Variants in ADAM23 observed in about 807,000 individuals in gnomAD.
The protein encoded by ADAM23 is ADAM metallopeptidase domain 23.
Under a neutral mutation model 120.1 loss-of-function variants are expected in ADAM23, and 33 were observed. The observed-to-expected ratio is 0.27, with a 90% CI of 0.21 to 0.37. The LOEUF is 0.37. Ranked by LOEUF, ADAM23 falls within the 10% of genes least tolerant of loss-of-function variation. ADAM23 has a pLI of 1.00. For missense variants in ADAM23, 862 were observed against 1,058.2 expected (o/e 0.81, Z 2.57); for synonymous variants, 367 against 375.2 (o/e 0.98, Z 0.25).
chr2:206,552,178 G>A (rs2105815172), intron 9 of ADAM23, among the ~76,000 whole-genome samples: 1 of 152,192 alleles, frequency 6.6e-6, no homozygotes. Flanking sequence ...TTTTAGAGTA[G>A]TAGAAATAAT....
At chr2:206,583,033 G>A (rs769332789) in intron 18 of ADAM23, among the ~76,000 whole-genome samples, 7 of 152,232 alleles carry the variant, frequency 4.6e-5, no homozygotes, top group Middle Eastern at 3.4e-3. Flanking sequence ...ATGTGCCTAG[G>A]TGATCTTTTT....
At chr2:206,496,759 A>C (rs1371932477) in intron 3 of ADAM23, among the ~76,000 whole-genome samples, 1 of 152,228 alleles carries the variant, frequency 6.6e-6, no homozygotes, top group Non-Finnish European at 1.5e-5. Flanking sequence ...TGCTAGCAAG[A>C]CTAATAAAGA....
At chr2:206,613,969 A>T (rs920261020) in intron 25 of ADAM23, among the ~76,000 whole-genome samples, 1 of 152,144 alleles carries the variant, frequency 6.6e-6, no homozygotes, top group Admixed American at 6.5e-5. Flanking sequence ...GTTTGTTGAA[A>T]ATTGAAATCA....
At chr2:206,458,277 G>A (rs994812837) in intron 2 of ADAM23, among the ~76,000 whole-genome samples, 12 of 78,170 alleles carry the variant, frequency 1.5e-4, no homozygotes, top group Non-Finnish European at 2.6e-4. Context: ...ACCAATTAAT[G>A]ACTGACCAGA....
intron 2 of ADAM23, among the ~76,000 whole-genome samples, chr2:206,472,328 G>A (rs1024846692): frequency 6.6e-6 from 1 of 152,038 alleles, no homozygotes; most frequent in Non-Finnish European, 1.5e-5. Context: ...AGAGTACTTC[G>A]GCTGGGCGAA....
At chr2:206,468,076 C>T (rs1299349439) in intron 2 of ADAM23, among the ~76,000 whole-genome samples, 2 of 152,178 alleles carry the variant, frequency 1.3e-5, no homozygotes, top group African/African-American at 4.8e-5. Flanking sequence ...CAATTCTTCC[C>T]TCCTAGGCCT....
rs1356500018 is a variant in ADAM23 at position 206,444,027 on chromosome 2, C to T, written c.161C>T (p.Pro54Leu). ...CTGCTTCTCGTCCTTCTCCTGCTGC[C>T]TCCGCTCGCCGCCTCGTCCCGGCCC... Reference protein sequence around the residue: ...CRLLLVLLLLPPLAASSRPRA... With the variant: ...CRLLLVLLLLLPLAASSRPRA... The change falls in exon 1 of 26, where the codon CCT becomes CTT. Residue 54 changes from proline to leucine, a missense_variant. By Grantham distance (98) the Pro-to-Leu change is moderately conservative. Coordinates refer to ENST00000264377, the MANE Select transcript of ADAM23 (RefSeq NM_003812.4). 3 of 1,411,790 alleles carry T rather than the reference C, an allele frequency of 2.1e-6. No individual in the cohort carries two copies. Among genetic ancestry groups the T allele is most frequent in the Admixed American group, 4.9e-5 (2 of 40,518 alleles). The allele number at this position is 1,411,790 out of a possible 1,614,324, so 87.5% of individuals were successfully genotyped here.
intron 2 of ADAM23, among the ~76,000 whole-genome samples, chr2:206,466,323 C>A (rs1695541549): frequency 6.6e-6 from 1 of 152,172 alleles, no homozygotes; most frequent in Admixed American, 6.5e-5. Context: ...AAGTGATGCT[C>A]TTGGACTTGA....
intron 23 of ADAM23, among the ~76,000 whole-genome samples, chr2:206,595,441 G>T (rs1698505227): frequency 6.6e-6 from 1 of 151,720 alleles, no homozygotes; most frequent in South Asian, 2.1e-4. Flanking sequence ...CCTCAGCTTG[G>T]CTGACTGAGA....
intron 3 of ADAM23, among the ~76,000 whole-genome samples, chr2:206,494,623 T>C (rs547582283): frequency 6.6e-6 from 1 of 152,332 alleles, no homozygotes; most frequent in African/African-American, 2.4e-5. Flanking sequence ...TCCATTTATT[T>C]TAGCTGGCCA....
At chr2:206,526,679 C>T (rs1201837186) in intron 3 of ADAM23, among the ~76,000 whole-genome samples, 1 of 152,174 alleles carries the variant, frequency 6.6e-6, no homozygotes, top group Admixed American at 6.5e-5. Context: ...CTAACTGCAG[C>T]AGAACCTGCA....
intron 18 of ADAM23, among the ~76,000 whole-genome samples, chr2:206,573,461 C>A (rs1012366076): frequency 3.3e-5 from 5 of 152,136 alleles, no homozygotes; most frequent in African/African-American, 9.6e-5. Context: ...AGTTTCTGTA[C>A]ATTGAACCAT....
chr2:206,532,340 T>A (rs1475354076), intron 4 of ADAM23, among the ~76,000 whole-genome samples: 2 of 151,546 alleles, frequency 1.3e-5, no homozygotes, highest in Non-Finnish European at 2.9e-5. Flanking sequence ...TTTTTTTTTT[T>A]AAAGAAACAG....
At chr2:206,499,394 C>CA (rs1368834666) in intron 3 of ADAM23, among the ~76,000 whole-genome samples, 1 of 146,994 alleles carries the variant, frequency 6.8e-6, no homozygotes, top group Non-Finnish European at 1.5e-5. Flanking sequence ...ATCGCAAGGA[C>CA]AAAAAACCAA....
intron 2 of ADAM23, among the ~76,000 whole-genome samples, chr2:206,460,682 A>G (rs557069510): frequency 3.9e-5 from 6 of 152,084 alleles, no homozygotes; most frequent in African/African-American, 9.7e-5. Context: ...CTCCCATTCT[A>G]TGGGTTGGCT....
intron 3 of ADAM23, among the ~76,000 whole-genome samples, chr2:206,509,964 C>T (rs934977480): frequency 1.3e-5 from 2 of 152,200 alleles, no homozygotes; most frequent in Non-Finnish European, 2.9e-5. Context: ...TCCTTTGGAT[C>T]CCAGACTTGA....
chr2:206,535,164 C>G (rs1373882533), intron 4 of ADAM23, among the ~76,000 whole-genome samples: 3 of 152,154 alleles, frequency 2.0e-5, no homozygotes, highest in African/African-American at 7.2e-5. Flanking sequence ...AACTAATCCT[C>G]TCCTCCAGTA....
At chr2:206,527,383 G>T (rs1008427391) in intron 3 of ADAM23, among the ~76,000 whole-genome samples, 1 of 152,126 alleles carries the variant, frequency 6.6e-6, no homozygotes. Context: ...TTCCTGGCTG[G>T]GTGGGGCTGG....
chr2:206,550,758 C>T (rs1454006214), intron 9 of ADAM23, among the ~76,000 whole-genome samples: 3 of 152,082 alleles, frequency 2.0e-5, no homozygotes, highest in African/African-American at 4.8e-5. Flanking sequence ...CCCGCCACTA[C>T]GCCCGGCTAA....
Sources: allele counts gnomAD v4.1 joint callset (sites outside exome capture counted in the v4.1 genomes callset), GRCh38; gene constraint gnomAD v4.1.1; transcripts MANE v1.5; gene names NCBI Gene and HGNC (gene_info 2026-07-23, HGNC 2026-07-21).